TM9SF2: variants seen among roughly 807,000 people sequenced by gnomAD.
TM9SF2 encodes the protein transmembrane 9 superfamily member 2.
Under a neutral mutation model 84.9 loss-of-function variants are expected in TM9SF2, and 13 were observed. That is an observed-to-expected ratio of 0.15 (90% CI 0.10 to 0.24). The LOEUF (loss-of-function observed/expected upper bound fraction) is 0.24, where lower values mean the gene tolerates loss of function less well. TM9SF2 is among the 10% of genes least tolerant of loss of function. The probability of loss-of-function intolerance (pLI) is 1.00; values close to 1 mark genes in which losing one functional copy is unlikely to be tolerated. For synonymous variants in TM9SF2, 273 were observed against 285.8 expected (o/e 0.96, Z 0.45); for missense variants, 562 against 818.5 (o/e 0.69, Z 3.82).
chr13:99,551,066 A>G (rs1056785792), intron 12 of TM9SF2, among the ~76,000 whole-genome samples: 5 of 152,262 alleles, frequency 3.3e-5, no homozygotes, highest in African/African-American at 1.2e-4. Flanking sequence ...TAATATTCCA[A>G]GATCCTAAAC....
intron 3 of TM9SF2, among the ~76,000 whole-genome samples, chr13:99,525,578 CAG>C (rs1297994308): frequency 7.6e-6 from 1 of 131,470 alleles, no homozygotes; most frequent in African/African-American, 3.0e-5. Flanking sequence ...TTTTTTGAGA[CAG>C]AGTCTTGCTC....
At chr13:99,544,981 T>C (rs1441576199) in intron 10 of TM9SF2, among the ~76,000 whole-genome samples, 2 of 152,162 alleles carry the variant, frequency 1.3e-5, no homozygotes, top group South Asian at 2.1e-4. Flanking sequence ...GTTTCCTTAA[T>C]TGGAAGATAA....
Position 99,553,240 on chromosome 13 carries a change from G to A in TM9SF2, c.1488+914G>A, listed in dbSNP as rs149925525. ...GTCCACAGGGTAAAAGAAAGACTGT[G>A]TGGTTAGTACACTTTGTGAGCAGGA... On this transcript the variant is annotated intron_variant, in intron 13 of 16. Transcript: ENST00000376387. Among the ~76,000 whole-genome samples, 32 of 152,350 alleles carry A rather than the reference G, an allele frequency of 2.1e-4. No homozygotes were observed. The East Asian group carries it at 6.2e-3, about 29-fold the overall frequency.
intron 1 of TM9SF2, among the ~76,000 whole-genome samples, chr13:99,504,181 C>T (rs898830399): frequency 6.6e-6 from 1 of 152,180 alleles, no homozygotes; most frequent in African/African-American, 2.4e-5. Flanking sequence ...AATTTATTCT[C>T]ATCTATTTCG....
At chr13:99,520,164 T>A in intron 3 of TM9SF2, 35 bp downstream of exon 3, 1 of 1,548,786 alleles carries the variant, frequency 6.5e-7, no homozygotes, top group Non-Finnish European at 8.8e-7. Flanking sequence ...ATTATTTACT[T>A]ACAGCTTTTG....
intron 1 of TM9SF2, among the ~76,000 whole-genome samples, chr13:99,514,494 C>G (rs999895099): frequency 6.6e-6 from 1 of 152,196 alleles, no homozygotes; most frequent in Non-Finnish European, 1.5e-5. Flanking sequence ...TATATACCCC[C>G]AGGTGTGTAG....
intron 6 of TM9SF2, among the ~76,000 whole-genome samples, chr13:99,538,667 C>A (rs888781365): frequency 6.6e-6 from 1 of 151,674 alleles, no homozygotes; most frequent in African/African-American, 2.4e-5. Context: ...TGGCATGTGC[C>A]TGTAGGAAGC....
intron 13 of TM9SF2, among the ~76,000 whole-genome samples, chr13:99,553,513 TA>T (rs760627215): frequency 5.3e-5 from 8 of 152,206 alleles, no homozygotes; most frequent in Non-Finnish European, 2.9e-5. Flanking sequence ...TGGAAATAAA[TA>T]AAAGTTGATA....
chr13:99,539,540 T>C lies in TM9SF2; in HGVS notation c.811T>C (p.Tyr271His). The change falls in exon 7 of 17, where the codon TAC becomes CAC. Residue 271 changes from tyrosine (Y) to histidine (H), a missense_variant. This residue lies in a region of TM9SF2 where 219 missense variants were observed against 338.1 expected (regional missense o/e 0.65). Coordinates refer to ENST00000376387, the MANE Select transcript of TM9SF2 (RefSeq NM_004800.3). ...ASGEIKIAYT[Y>H]SVSFEEDDKI... ...TGGGGAGATAAAAATTGCCTATACTTACTCTGTTAGCTTCGAGGTGAGTCT... is the reference window on the plus strand; with the variant it reads ...TGGGGAGATAAAAATTGCCTATACTCACTCTGTTAGCTTCGAGGTGAGTCT... 1 of 1,607,644 alleles carries C rather than the reference T, an allele frequency of 6.2e-7. No individual in the cohort carries two copies. Among genetic ancestry groups the C allele is most frequent in the Non-Finnish European group, 8.5e-7 (1 of 1,174,110 alleles).
chr13:99,502,365 C>A (rs1008768307), intron 1 of TM9SF2, among the ~76,000 whole-genome samples: 4 of 152,156 alleles, frequency 2.6e-5, no homozygotes, highest in Non-Finnish European at 5.9e-5. Context: ...GAGTATAACA[C>A]CCAGAGCCAC....
Position 99,519,689 on chromosome 13 carries a change from G to A in TM9SF2, c.240-347G>A, listed in dbSNP as rs544114037. 1.6e-3 allele frequency: 268 copies of A among 171,470 alleles called. 3 individuals carry two copies. Among genetic ancestry groups the A allele is most frequent in the African/African-American group, 6.2e-3 (259 of 41,822 alleles). The allele number at this position is 171,470 out of a possible 1,614,324, so 10.6% of individuals were successfully genotyped here. On this transcript the variant is annotated intron_variant, in intron 2 of 16. Transcript: ENST00000376387. ...AATTAAAGATTTGAATTAGATAATA[G>A]CAAGGAGATAAGTTATGCAAAATTT...
At chr13:99,502,562 CTT>C (rs1482732277) in intron 1 of TM9SF2, among the ~76,000 whole-genome samples, 1 of 152,194 alleles carries the variant, frequency 6.6e-6, no homozygotes, top group Non-Finnish European at 1.5e-5. Flanking sequence ...GTCTTGAAAA[CTT>C]TGATCTCTTA....
At position 99,540,728 on chromosome 13, in the gene TM9SF2, C is replaced by A; in HGVS notation, c.843C>A (p.Ile281=). The A allele has an allele frequency of 6.2e-7, 1 of 1,613,656 alleles. No individual in the cohort carries two copies. Among genetic ancestry groups the A allele is most frequent in the South Asian group, 1.1e-5 (1 of 91,070 alleles). Residue 281 remains isoleucine (I), a synonymous_variant, in exon 8 of 17, where the codon ATC becomes ATA. Transcript: ENST00000376387. Reference sequence around the variant, plus strand: ...ATCTCCTCTAGGAAGATGATAAGATCAGATGGGCGTCTAGATGGGACTATA... The same window carrying A: ...ATCTCCTCTAGGAAGATGATAAGATAAGATGGGCGTCTAGATGGGACTATA... ...YSVSFEEDDK[I]RWASRWDYIL... is the part of the protein sequence containing the mutation.
intron 4 of TM9SF2, among the ~76,000 whole-genome samples, chr13:99,533,789 G>A (rs140250341): frequency 3.0e-4 from 45 of 152,096 alleles, no homozygotes; most frequent in African/African-American, 1.0e-3. Context: ...CTCCACCTCC[G>A]CCTCCTGAGT....
intron 3 of TM9SF2, among the ~76,000 whole-genome samples, chr13:99,527,500 T>G: frequency 6.6e-6 from 1 of 152,064 alleles, no homozygotes; most frequent in East Asian, 1.9e-4. Flanking sequence ...AAGAACAGCG[T>G]GGGGTACCGC....
chr13:99,535,944 TTTCTTTTAG>T (rs1343793854), intron 4 of TM9SF2, among the ~76,000 whole-genome samples: 15 of 152,346 alleles, frequency 9.8e-5, no homozygotes, highest in African/African-American at 3.6e-4. Context: ...TGCAACAGTA[TTTCTTTTAG>T]AAATAACTTG....
At chr13:99,534,903 A>G (rs922479675) in intron 4 of TM9SF2, among the ~76,000 whole-genome samples, 2 of 152,216 alleles carry the variant, frequency 1.3e-5, no homozygotes, top group African/African-American at 2.4e-5. Flanking sequence ...TAATCCCAGC[A>G]CTTTGGGAGA....
intron 4 of TM9SF2, among the ~76,000 whole-genome samples, chr13:99,536,073 C>A (rs1329063344): frequency 1.3e-5 from 2 of 151,928 alleles, no homozygotes; most frequent in East Asian, 1.9e-4. Context: ...TATTGAATAA[C>A]CTGAGTAATA....
intron 1 of TM9SF2, 136 bp downstream of exon 1, chr13:99,501,913 T>C: frequency 4.9e-6 from 6 of 1,227,476 alleles, no homozygotes; most frequent in African/African-American, 1.6e-5. Context: ...CAGAAGCTTT[T>C]GGGGTCTGCT....
Sources: allele counts gnomAD v4.1 joint callset (sites outside exome capture counted in the v4.1 genomes callset), GRCh38; gene constraint gnomAD v4.1.1; regional missense constraint gnomAD v4.1.1; transcripts MANE v1.5; gene names NCBI Gene and HGNC (gene_info 2026-07-23, HGNC 2026-07-21).